Variants in GRID2 observed in about 807,000 individuals in gnomAD.
GRID2 encodes glutamate ionotropic receptor delta type subunit 2.
GRID2 carries 33 observed loss-of-function variants against 114.8 expected under a neutral mutation model. The ratio of observed to expected loss-of-function variants is 0.29; its 90% CI spans 0.22 to 0.38. The LOEUF (loss-of-function observed/expected upper bound fraction) is 0.38, where lower values mean the gene tolerates loss of function less well. GRID2 is among the 10% of genes least tolerant of loss of function. The pLI, the probability that GRID2 is intolerant of heterozygous loss-of-function variation, is 1.00. For synonymous variants in GRID2, 505 were observed against 449.9 expected, an observed-to-expected ratio of 1.12 and a Z score of -1.55; for missense variants, 1,184 against 1,257.7, an observed-to-expected ratio of 0.94 and a Z score of 0.89.
At chr4:92,398,826 AAGTT>A (rs1209610026) in intron 1 of GRID2, among the ~76,000 whole-genome samples, 1 of 152,178 alleles carries the variant, frequency 6.6e-6, no homozygotes, top group Non-Finnish European at 1.5e-5. Flanking sequence ...TACAAAGTGA[AAGTT>A]AAAAAATGCA....
intron 14 of GRID2, among the ~76,000 whole-genome samples, chr4:93,684,686 C>G (rs972204179): frequency 2.0e-5 from 3 of 151,912 alleles, no homozygotes; most frequent in African/African-American, 7.3e-5. Context: ...AGGATTCTTG[C>G]CACAAACAGG....
intron 1 of GRID2, among the ~76,000 whole-genome samples, chr4:92,571,742 CTCAACTACAT>C (rs1727634072): frequency 6.6e-6 from 1 of 151,964 alleles, no homozygotes; most frequent in Non-Finnish European, 1.5e-5. Context: ...CTCAAAACCA[CTCAACTACAT>C]GGAAACTGAA....
intron 2 of GRID2, among the ~76,000 whole-genome samples, chr4:92,965,241 AT>A (rs1354364244): frequency 6.6e-6 from 1 of 151,736 alleles, no homozygotes; most frequent in East Asian, 1.9e-4. Flanking sequence ...GCCATCTTTT[AT>A]GGGCATGATT....
intron 2 of GRID2, among the ~76,000 whole-genome samples, chr4:92,748,636 T>TATTATC (rs1737276218): frequency 1.1e-5 from 1 of 89,388 alleles, no homozygotes; most frequent in Non-Finnish European, 2.3e-5. Context: ...TAAATTGTAT[T>TATTATC]ATTATTATTA....
intron 8 of GRID2, among the ~76,000 whole-genome samples, chr4:93,282,938 A>G (rs1325301369): frequency 2.0e-5 from 3 of 151,996 alleles, no homozygotes; most frequent in African/African-American, 7.2e-5. Context: ...TCCAGCTCTC[A>G]CATGAACTCA....
At chr4:92,729,091 G>C (rs541080929) in intron 2 of GRID2, among the ~76,000 whole-genome samples, 1 of 152,072 alleles carries the variant, frequency 6.6e-6, no homozygotes, top group Non-Finnish European at 1.5e-5. Flanking sequence ...CTCTGGCCTT[G>C]CTTATATTAT....
intron 4 of GRID2, among the ~76,000 whole-genome samples, chr4:93,128,039 AAAAAAAAAAAAAAAAAAAAAC>A (rs1270580767): frequency 7.1e-6 from 1 of 141,762 alleles, no homozygotes; most frequent in East Asian, 2.1e-4. Context: ...AAAAAAAAAA[AAAAAAAAAAAAAAAAAAAAAC>A]AACAGTACGT....
intron 1 of GRID2, among the ~76,000 whole-genome samples, chr4:92,517,121 G>A (rs1258210147): frequency 2.6e-5 from 4 of 151,764 alleles, no homozygotes; most frequent in Non-Finnish European, 5.9e-5. Context: ...CCACGTACTG[G>A]ATGCCCTCGT....
At chr4:93,215,097 T>G (rs1744038341) in intron 5 of GRID2, among the ~76,000 whole-genome samples, 1 of 152,028 alleles carries the variant, frequency 6.6e-6, no homozygotes, top group South Asian at 2.1e-4. Context: ...GTATTTTGCT[T>G]AACATATAGT....
At chr4:93,058,907 G>T (rs906564177) in intron 2 of GRID2, among the ~76,000 whole-genome samples, 1 of 152,060 alleles carries the variant, frequency 6.6e-6, no homozygotes, top group Admixed American at 6.6e-5. Flanking sequence ...GTTACTACTT[G>T]GTTGCCTTTG....
chr4:93,441,388 TATAAAC>T (rs1211736686), intron 10 of GRID2, among the ~76,000 whole-genome samples: 1 of 152,024 alleles, frequency 6.6e-6, no homozygotes, highest in Non-Finnish European at 1.5e-5. Flanking sequence ...GTCTGGAAAT[TATAAAC>T]ATAGAGAAAT....
chr4:92,920,481 G>A (rs1422655236), intron 2 of GRID2, among the ~76,000 whole-genome samples: 2 of 152,174 alleles, frequency 1.3e-5, no homozygotes, highest in Non-Finnish European at 2.9e-5. Flanking sequence ...TGCAGTGGCT[G>A]GTACCAGTTG....
intron 1 of GRID2, among the ~76,000 whole-genome samples, chr4:92,415,630 C>T (rs1731556889): frequency 6.6e-6 from 1 of 150,934 alleles, no homozygotes; most frequent in African/African-American, 2.4e-5. Flanking sequence ...ATCCAGGGTG[C>T]TGCAAATGTC....
At chr4:93,734,810 A>T (rs915063148) in intron 14 of GRID2, among the ~76,000 whole-genome samples, 6 of 152,056 alleles carry the variant, frequency 3.9e-5, no homozygotes, top group Admixed American at 3.9e-4. Context: ...AAAAGGGAAC[A>T]TTGCACGCCA....
chr4:93,421,552 A>C (rs1393139704), intron 9 of GRID2, among the ~76,000 whole-genome samples: 1 of 152,208 alleles, frequency 6.6e-6, no homozygotes, highest in Admixed American at 6.5e-5. Context: ...ATGAACATCA[A>C]ACTTAGTACT....
At chr4:92,366,818 T>A (rs1039824076) in intron 1 of GRID2, among the ~76,000 whole-genome samples, 2 of 151,892 alleles carry the variant, frequency 1.3e-5, no homozygotes, top group African/African-American at 4.8e-5. Context: ...ACAGCAATGA[T>A]AAATAAATGG....
At chr4:93,486,298 C>T (rs964104600) in intron 11 of GRID2, among the ~76,000 whole-genome samples, 7 of 151,362 alleles carry the variant, frequency 4.6e-5, no homozygotes, top group Non-Finnish European at 7.4e-5. Flanking sequence ...ATCACTAATC[C>T]GTAACTTTTG....
chr4:92,907,850 CCT>C (rs747015243), intron 2 of GRID2, among the ~76,000 whole-genome samples: 1 of 152,016 alleles, frequency 6.6e-6, no homozygotes, highest in African/African-American at 2.4e-5. Flanking sequence ...ATGGTGAATC[CCT>C]GTCTCTACAA....
At chr4:92,681,146 A>G (rs2149284354) in intron 2 of GRID2, among the ~76,000 whole-genome samples, 1 of 152,336 alleles carries the variant, frequency 6.6e-6, no homozygotes, top group Non-Finnish European at 1.5e-5. Flanking sequence ...GTTGCAGCTT[A>G]CAAAAGCTAC....
Sources: allele counts gnomAD v4.1 joint callset (sites outside exome capture counted in the v4.1 genomes callset), GRCh38; gene constraint gnomAD v4.1.1; transcripts MANE v1.5; gene names NCBI Gene and HGNC (gene_info 2026-07-23, HGNC 2026-07-21).